SLCO1C1: variants seen among roughly 807,000 people sequenced by gnomAD.
SLCO1C1 encodes the protein OAT-RP-5.
A neutral mutation model predicts 76.4 loss-of-function variants in SLCO1C1; 70 were observed. That is an observed-to-expected ratio of 0.92 (90% CI 0.76 to 1.12). SLCO1C1 has a LOEUF of 1.12. Ranked by LOEUF, SLCO1C1 falls within the 50% of genes most tolerant of loss-of-function variation. The pLI, the probability that SLCO1C1 is intolerant of heterozygous loss-of-function variation, is 0.00. For synonymous variants in SLCO1C1, 306 were observed against 286.1 expected, an observed-to-expected ratio of 1.07 and a Z score of -0.70; for missense variants, 912 against 823.8, an observed-to-expected ratio of 1.11 and a Z score of -1.31.
chr12:20,701,217 T>G lies in SLCO1C1; in HGVS notation c.130-101T>G, dbSNP rs181074251. 6 of 1,169,900 alleles carry G rather than the reference T, an allele frequency of 5.1e-6. No homozygotes were observed. The Admixed American group carries it at 1.2e-4, about 23-fold the overall frequency. 72.5% of individuals were successfully genotyped at this position (1,169,900 alleles called of 1,614,324 possible). The stretch of plus-strand genomic sequence containing the variant: ...TGATAATAAAGTTGATATTATACAT[T>G]GTTCTTTGTTGTTTGTTTTGTATTT... On this transcript the variant is annotated intron_variant, in intron 2 of 14. Transcript: ENST00000266509.
At chr12:20,733,679 AAAC>A (rs1183049528) in intron 10 of SLCO1C1, among the ~76,000 whole-genome samples, 1 of 152,154 alleles carries the variant, frequency 6.6e-6, no homozygotes, top group Admixed American at 6.5e-5. Context: ...AAGTTTCAGG[AAAC>A]AACGCCTGTC....
intron 1 of SLCO1C1, among the ~76,000 whole-genome samples, chr12:20,699,097 G>A (rs1946398059): frequency 6.6e-6 from 1 of 151,910 alleles, no homozygotes; most frequent in African/African-American, 2.4e-5. Context: ...GGTGGTACAG[G>A]GACCTATAAT....
intron 9 of SLCO1C1, 78 bp from the exon 10 acceptor site, chr12:20,732,831 G>C: frequency 6.9e-7 from 1 of 1,445,270 alleles, no homozygotes; most frequent in African/African-American, 1.4e-5. Flanking sequence ...TGACAAAATA[G>C]TCTTTAGAAA....
intron 3 of SLCO1C1, among the ~76,000 whole-genome samples, chr12:20,703,719 T>C (rs1234777421): frequency 6.6e-6 from 1 of 151,824 alleles, no homozygotes; most frequent in African/African-American, 2.4e-5. Flanking sequence ...TATTGTTAGT[T>C]GGTGGTACTC....
Position 20,740,783 on chromosome 12 carries a change from T to TATATATATATATATATATATA in SLCO1C1, c.1733+415_1733+416insATATATATATATATATATATA, listed in dbSNP as rs1406774430. Among the ~76,000 whole-genome samples the TATATATATATATATATATATA allele has an allele frequency of 2.8e-4, 15 of 53,990 alleles. 2 individuals are homozygous for TATATATATATATATATATATA. The highest frequency in any genetic ancestry group is 5.6e-4 in the East Asian group (1 of 1,786). The allele number at this position is 53,990 out of a possible 152,430, so 35.4% of individuals were successfully genotyped here. ...TAATACAACAATGTTAGAATTTATT[T>TATATATATATATATATATATA]TATTTATATATATATATATATATAT... On this transcript the variant is annotated intron_variant, in intron 12 of 14. Coordinates refer to ENST00000266509, the MANE Select transcript of SLCO1C1 (RefSeq NM_017435.5).
chr12:20,729,139 CT>C (rs994026678), intron 9 of SLCO1C1, among the ~76,000 whole-genome samples: 2 of 151,880 alleles, frequency 1.3e-5, no homozygotes, highest in Non-Finnish European at 2.9e-5. Flanking sequence ...TTAAAAATAC[CT>C]AAAATGAAAG....
intron 8 of SLCO1C1, among the ~76,000 whole-genome samples, 175 bp downstream of exon 8, chr12:20,722,224 C>A (rs976541754): frequency 3.3e-5 from 5 of 152,208 alleles, no homozygotes; most frequent in Non-Finnish European, 5.9e-5. Flanking sequence ...CAGTACACGA[C>A]CAAAGAGCAA....
chr12:20,695,780 A>G lies in SLCO1C1; in HGVS notation c.-53A>G, dbSNP rs1197527373. 1.3e-5 allele frequency: 2 copies of G among 152,072 alleles called. No individual in the cohort carries two copies. The highest frequency in any genetic ancestry group is 2.9e-5 in the Non-Finnish European group (2 of 68,028). The allele number at this position is 152,072 out of a possible 1,614,324, so 9.4% of individuals were successfully genotyped here. A position where few individuals can be genotyped will look rare whatever the true frequency, so the allele number is the denominator to read the frequency against. On this transcript the variant is annotated 5_prime_UTR_variant, in exon 1 of 15. Transcript: ENST00000266509. ...CCTCTTGCTGAGCACATTGAAAGGA[A>G]CTGGCTATCTTTGATCTCTTCCTCC... is the stretch of plus-strand genomic sequence containing the variant.
rs201751361 is a variant in SLCO1C1, at chr12:20,703,396, T to A, written c.271+1937T>A. Among the ~76,000 whole-genome samples, 29 of 109,812 alleles carry A rather than the reference T, an allele frequency of 2.6e-4. No individual in the cohort carries two copies. The East Asian group carries it at 8.1e-3, about 31-fold the overall frequency. 72.0% of individuals were successfully genotyped at this position (109,812 alleles called of 152,430 possible). On this transcript the variant is annotated intron_variant, in intron 3 of 14. Coordinates refer to ENST00000266509, the MANE Select transcript of SLCO1C1 (RefSeq NM_017435.5). The stretch of plus-strand genomic sequence containing the variant: ...ATAATTTCGTATCTTTCTTTGCAAC[T>A]CTTAGATTTTTGTTGTTGTTGTTGA...
At chr12:20,704,787 G>A (rs1281226180) in intron 3 of SLCO1C1, among the ~76,000 whole-genome samples, 2 of 151,780 alleles carry the variant, frequency 1.3e-5, no homozygotes, top group African/African-American at 4.8e-5. Flanking sequence ...TCAAAGCAAG[G>A]CCACCCATTA....
chr12:20,718,464 C>T (rs768883717), intron 7 of SLCO1C1, among the ~76,000 whole-genome samples: 15 of 152,054 alleles, frequency 9.9e-5, no homozygotes, highest in East Asian at 1.9e-4. Flanking sequence ...CTTTTTATGA[C>T]GAATAAGATA....
At chr12:20,725,119 CATAT>C (rs1205658872) in intron 9 of SLCO1C1, among the ~76,000 whole-genome samples, 1 of 133,368 alleles carries the variant, frequency 7.5e-6, no homozygotes, top group Non-Finnish European at 1.5e-5. Context: ...ATATAACTAT[CATAT>C]ATAATATATA....
At chr12:20,715,525 G>A (rs1947324046) in intron 6 of SLCO1C1, among the ~76,000 whole-genome samples, 1 of 152,218 alleles carries the variant, frequency 6.6e-6, no homozygotes, top group African/African-American at 2.4e-5. Flanking sequence ...TGCGAGCTTA[G>A]CTGCAATGAC....
chr12:20,715,000 A>G (rs1462054633), intron 5 of SLCO1C1, 139 bp from the exon 6 acceptor site: 1 of 1,041,140 alleles, frequency 9.6e-7, no homozygotes, highest in East Asian at 2.4e-5. Flanking sequence ...GAACTTGACC[A>G]AACTCCCATC....
intron 1 of SLCO1C1, among the ~76,000 whole-genome samples, chr12:20,698,193 T>A (rs1339043326): frequency 6.6e-6 from 1 of 152,080 alleles, no homozygotes; most frequent in Admixed American, 6.6e-5. Flanking sequence ...TATGTATTTA[T>A]ATCTTTGTTT....
chr12:20,720,050 C>T (rs1441692052), intron 7 of SLCO1C1, among the ~76,000 whole-genome samples: 1 of 152,180 alleles, frequency 6.6e-6, no homozygotes, highest in East Asian at 1.9e-4. Context: ...GAAGCCAATG[C>T]TCATTTAACA....
At chr12:20,720,733 C>T (rs1592266379) in intron 7 of SLCO1C1, among the ~76,000 whole-genome samples, 1 of 152,306 alleles carries the variant, frequency 6.6e-6, no homozygotes, top group East Asian at 1.9e-4. Context: ...CGCGGTGGCT[C>T]ATGCCTGTAA....
intron 6 of SLCO1C1, 69 bp downstream of exon 6, chr12:20,715,354 T>C: frequency 6.5e-7 from 1 of 1,548,348 alleles, no homozygotes; most frequent in Non-Finnish European, 8.7e-7. Context: ...AATTCCCCTC[T>C]ATGCTAAATT....
intron 7 of SLCO1C1, among the ~76,000 whole-genome samples, chr12:20,719,870 T>C (rs1018377452): frequency 6.6e-6 from 1 of 152,210 alleles, no homozygotes; most frequent in East Asian, 1.9e-4. Flanking sequence ...TTGATGAAAG[T>C]GGCTATGCTA....
Sources: gnomAD v4.1 joint callset for allele counts (sites outside exome capture counted in the v4.1 genomes callset) on GRCh38, gnomAD v4.1.1 for gene constraint, MANE v1.5 for transcripts, NCBI Gene and HGNC (gene_info 2026-07-23, HGNC 2026-07-21) for gene names.